The following SERGEF variants were observed in gnomAD, a reference collection of about 807,000 sequenced individuals.
The protein encoded by SERGEF is secretion regulating guanine nucleotide exchange factor.
Under a neutral mutation model 50.0 loss-of-function variants are expected in SERGEF, and 51 were observed. The ratio of observed to expected loss-of-function variants is 1.02; its 90% CI spans 0.81 to 1.29. The LOEUF (loss-of-function observed/expected upper bound fraction) is 1.29, where lower values mean the gene tolerates loss of function less well. Ranked by LOEUF, SERGEF falls within the 50% of genes most tolerant of loss-of-function variation. SERGEF has a pLI of 0.00. For missense variants in SERGEF, 521 were observed against 557.0 expected, an observed-to-expected ratio of 0.94 and a Z score of 0.65; for synonymous variants, 205 against 212.4, an observed-to-expected ratio of 0.97 and a Z score of 0.30.
intron 9 of SERGEF, among the ~76,000 whole-genome samples, chr11:17,953,032 A>G (rs1356396560): frequency 6.6e-6 from 1 of 151,992 alleles, no homozygotes; most frequent in African/African-American, 2.4e-5. Context: ...AAGCCTTCCA[A>G]TTCAGGAAGG....
intron 10 of SERGEF, among the ~76,000 whole-genome samples, chr11:17,841,083 G>A (rs779652043): frequency 7.9e-5 from 12 of 152,150 alleles, no homozygotes; most frequent in Non-Finnish European, 1.6e-4. Context: ...CTCTGGTAAG[G>A]AAATAGAACC....
At chr11:17,793,689 G>A (rs148399217) in intron 10 of SERGEF, among the ~76,000 whole-genome samples, 198 of 152,340 alleles carry the variant, frequency 1.3e-3, no homozygotes, top group African/African-American at 4.4e-3. Flanking sequence ...TCAGGTCTTC[G>A]AAGACACCAG....
chr11:17,837,487 A>C (rs1053046150), intron 10 of SERGEF, among the ~76,000 whole-genome samples: 1 of 149,306 alleles, frequency 6.7e-6, no homozygotes, highest in Non-Finnish European at 1.5e-5. Context: ...AGAGCCTGGC[A>C]CCTCCCCTCT....
intron 10 of SERGEF, among the ~76,000 whole-genome samples, chr11:17,870,825 T>C (rs1851124828): frequency 6.6e-6 from 1 of 152,182 alleles, no homozygotes; most frequent in African/African-American, 2.4e-5. Context: ...ATGCTAGATA[T>C]CAAGATTTAT....
At chr11:17,801,616 T>G (rs1004781374) in intron 10 of SERGEF, among the ~76,000 whole-genome samples, 1 of 151,964 alleles carries the variant, frequency 6.6e-6, no homozygotes, top group Non-Finnish European at 1.5e-5. Context: ...GGAGGAGAGA[T>G]AGGCTTGGGG....
chr11:17,999,670 C>T (rs908174217), intron 5 of SERGEF: 2 of 421,318 alleles, frequency 4.7e-6, no homozygotes, highest in Non-Finnish European at 9.4e-6. Flanking sequence ...CCCTCACACA[C>T]AGACTGTCAG....
chr11:18,007,796 A>C, intron 2 of SERGEF, 145 bp downstream of exon 2: 1 of 769,400 alleles, frequency 1.3e-6, no homozygotes, highest in Non-Finnish European at 2.0e-6. Context: ...TTCTGATGGT[A>C]ATTTGGCTCT....
intron 8 of SERGEF, among the ~76,000 whole-genome samples, chr11:17,968,709 T>TA (rs35149608): frequency 0.62 from 88,889 of 143,558 alleles, 27,509 homozygotes; most frequent in African/African-American, 0.73. Context: ...GTCTCTAATT[T>TA]AAAAAAAAAA....
chr11:17,817,611 A>T (rs911607406), intron 10 of SERGEF, among the ~76,000 whole-genome samples: 8 of 152,228 alleles, frequency 5.3e-5, no homozygotes, highest in Admixed American at 1.3e-4. Flanking sequence ...ACACACAAAG[A>T]TTAAATTATT....
intron 10 of SERGEF, among the ~76,000 whole-genome samples, chr11:17,873,526 T>C (rs1000518692): frequency 6.6e-6 from 1 of 152,340 alleles, no homozygotes; most frequent in South Asian, 2.1e-4. Context: ...CTTGATGGTT[T>C]CATGCCAAGG....
Position 17,884,153 on chromosome 11 carries a change from TCGC to T in SERGEF, c.1012-5912_1012-5910del, listed in dbSNP as rs1851386194. On this transcript the variant is annotated intron_variant, in intron 9 of 10. Coordinates refer to ENST00000265965, the MANE Select transcript of SERGEF (RefSeq NM_012139.4). The surrounding 1 kb of genome is among the most constrained non-coding windows in gnomAD (Gnocchi z 4.6). ...GACAGCGAGGCCTGCTGATTGGTTC[TCGC>T]CGGGTGCCAATGAGCCCGGGCGCCT... is the stretch of plus-strand genomic sequence containing the variant. Among the ~76,000 whole-genome samples, 1 of 152,296 alleles carries T rather than the reference TCGC, an allele frequency of 6.6e-6. No homozygotes were observed. Among genetic ancestry groups the T allele is most frequent in the Non-Finnish European group, 1.5e-5 (1 of 68,020 alleles).
intron 9 of SERGEF, among the ~76,000 whole-genome samples, chr11:17,945,605 T>G (rs1852642781): frequency 6.6e-6 from 1 of 152,206 alleles, no homozygotes; most frequent in East Asian, 1.9e-4. Flanking sequence ...TTTTATACTA[T>G]GCATTCTCTT....
rs1851675333 is a variant in SERGEF, at chr11:17,897,766, T to A, written c.1012-19522A>T. Among the ~76,000 whole-genome samples, 3 of 152,226 alleles carry A rather than the reference T, an allele frequency of 2.0e-5. No individual in the cohort carries two copies. In the South Asian group the frequency reaches 6.2e-4, roughly 32 times the overall value. On this transcript the variant is annotated intron_variant, in intron 9 of 10. Transcript: ENST00000265965. ...AAGGCTGTGGTTGGGGTGGATTGGT[T>A]GACTGATCCTATCCCCTTCCTGTCT...
chr11:17,791,583 T>C (rs1849485118), intron 10 of SERGEF, among the ~76,000 whole-genome samples: 1 of 152,260 alleles, frequency 6.6e-6, no homozygotes, highest in South Asian at 2.1e-4. Context: ...GTGTACTATC[T>C]GCTTATATCT....
chr11:17,999,351 G>A (rs1853911451), intron 5 of SERGEF: 2 of 297,772 alleles, frequency 6.7e-6, no homozygotes, highest in South Asian at 2.8e-5. Flanking sequence ...GAAACCGGGA[G>A]AGAACACACA....
chr11:17,954,276 C>T (rs572686871), intron 9 of SERGEF, among the ~76,000 whole-genome samples: 1 of 152,252 alleles, frequency 6.6e-6, no homozygotes, highest in South Asian at 2.1e-4. Context: ...ACAGTCTTGA[C>T]ACAAACTTAA....
intron 3 of SERGEF, 90 bp from the exon 4 acceptor site, chr11:18,004,625 G>A: frequency 2.3e-6 from 2 of 869,230 alleles, no homozygotes; most frequent in South Asian, 1.5e-5. Flanking sequence ...GATGCAAAGG[G>A]GATGAGGGGA....
At chr11:17,887,985 A>G (rs1459978562) in intron 9 of SERGEF, among the ~76,000 whole-genome samples, 2 of 152,162 alleles carry the variant, frequency 1.3e-5, no homozygotes, top group South Asian at 2.1e-4. Context: ...TCACATTACC[A>G]TCTGAGCTCC....
chr11:17,896,787 GAAGGGT>G lies in SERGEF; in HGVS notation c.1012-18549_1012-18544del, dbSNP rs1203979244. On this transcript the variant is annotated intron_variant, in intron 9 of 10. Coordinates refer to ENST00000265965, the MANE Select transcript of SERGEF (RefSeq NM_012139.4). The stretch of plus-strand genomic sequence containing the variant: ...AGGGAAGGGTAAGGGAAGGGTAAGG[GAAGGGT>G]AAGGGAAGGGTAAGGGAAGGGTAAG... Among the ~76,000 whole-genome samples the G allele has an allele frequency of 1.4e-3, 163 of 115,156 alleles. 30 individuals are homozygous for G. The highest frequency in any genetic ancestry group is 9.5e-3 in the Middle Eastern group (2 of 210). 75.5% of individuals were successfully genotyped at this position (115,156 alleles called of 152,430 possible).
Sources: allele counts gnomAD v4.1 joint callset (sites outside exome capture counted in the v4.1 genomes callset), GRCh38; gene constraint gnomAD v4.1.1; non-coding constraint Gnocchi (gnomAD v3.1); transcripts MANE v1.5; gene names NCBI Gene and HGNC (gene_info 2026-07-23, HGNC 2026-07-21).